Variants in NRG3 observed in about 807,000 individuals in gnomAD.
The protein encoded by NRG3 is pro-neuregulin-3, membrane-bound isoform.
A neutral mutation model predicts 66.9 loss-of-function variants in NRG3; 31 were observed. That is an observed-to-expected ratio of 0.46 (90% confidence interval 0.35 to 0.63). The LOEUF (loss-of-function observed/expected upper bound fraction) is 0.63. Among genes scored for constraint, NRG3 ranks in the 20% least tolerant of loss-of-function variants. The probability of loss-of-function intolerance (pLI) is 0.00; values close to 1 mark genes in which losing one functional copy is unlikely to be tolerated. For missense variants in NRG3, 910 were observed against 878.9 expected, an observed-to-expected ratio of 1.04 and a Z score of -0.45; for synonymous variants, 393 against 359.4, an observed-to-expected ratio of 1.09 and a Z score of -1.06.
Position 82,177,049 on chromosome 10 carries a change from G to A in NRG3, c.824-181690G>A, listed in dbSNP as rs185799897. On this transcript the variant is annotated intron_variant, in intron 1 of 8. Coordinates refer to ENST00000372141, the MANE Select transcript of NRG3 (RefSeq NM_001010848.4). ...CGTAGCCTACCCTTTCCTTACCTGC[G>A]TAATAATGATAATATTATCTACCTC... Among the ~76,000 whole-genome samples, 14 of 151,916 alleles carry A rather than the reference G, an allele frequency of 9.2e-5. No homozygotes were observed. The East Asian group carries it at 2.3e-3, about 25-fold the overall frequency.
chr10:82,325,311 A>G (rs1350900125), intron 1 of NRG3, among the ~76,000 whole-genome samples: 1 of 151,944 alleles, frequency 6.6e-6, no homozygotes, highest in Non-Finnish European at 1.5e-5. Context: ...CCTCCTGAGT[A>G]GCTGAGACTG....
chr10:82,661,320 C>T lies in NRG3; in HGVS notation c.954-77257C>T, dbSNP rs533843647. 2.0e-5 allele frequency among the ~76,000 whole-genome samples: 3 copies of T among 152,088 alleles called. No homozygotes were observed. In the South Asian group the frequency reaches 6.2e-4, roughly 32 times the overall value. On this transcript the variant is annotated intron_variant, in intron 2 of 8. Coordinates refer to ENST00000372141, the MANE Select transcript of NRG3 (RefSeq NM_001010848.4). Reference sequence around the variant, plus strand: ...CAGTCCCTGAATATACACCCTTACTCACACATATATATTTTAATATAATGT... The same window carrying T: ...CAGTCCCTGAATATACACCCTTACTTACACATATATATTTTAATATAATGT...
At chr10:82,650,319 G>A (rs1258345982) in intron 2 of NRG3, among the ~76,000 whole-genome samples, 2 of 152,170 alleles carry the variant, frequency 1.3e-5, no homozygotes, top group African/African-American at 4.8e-5. Flanking sequence ...CTGGCCCTGG[G>A]CTATGCTTGC....
chr10:82,757,604 C>A (rs2059130610), intron 3 of NRG3, among the ~76,000 whole-genome samples: 1 of 151,996 alleles, frequency 6.6e-6, no homozygotes, highest in South Asian at 2.1e-4. Context: ...ATGAATGATG[C>A]AATATATTGG....
At chr10:82,670,332 A>C (rs4586096) in intron 2 of NRG3, among the ~76,000 whole-genome samples, 69,831 of 152,004 alleles carry the variant, frequency 0.46, 17,263 homozygotes, top group African/African-American at 0.62. Flanking sequence ...CACATCAACA[A>C]AAATGTGCAC....
At chr10:82,764,374 AT>A (rs58671270) in intron 3 of NRG3, among the ~76,000 whole-genome samples, 2,949 of 134,258 alleles carry the variant, frequency 0.022, 50 homozygotes, top group African/African-American at 0.057. Flanking sequence ...CCCTATGCAA[AT>A]TTTTTTTTTT....
chr10:82,772,410 A>G (rs974081542), intron 3 of NRG3, among the ~76,000 whole-genome samples: 4 of 152,136 alleles, frequency 2.6e-5, no homozygotes, highest in Non-Finnish European at 5.9e-5. Context: ...GTTGCACATT[A>G]GATCTCTAGA....
At chr10:82,143,056 A>C (rs2069940007) in intron 1 of NRG3, among the ~76,000 whole-genome samples, 1 of 151,342 alleles carries the variant, frequency 6.6e-6, no homozygotes, top group South Asian at 2.1e-4. Flanking sequence ...GACCTGAGCC[A>C]CTGTGCCCAG....
intron 3 of NRG3, among the ~76,000 whole-genome samples, chr10:82,813,211 CTTTT>C (rs58875697): frequency 8.9e-6 from 1 of 112,138 alleles, no homozygotes; most frequent in South Asian, 3.1e-4. Context: ...CTCTGTTTCT[CTTTT>C]TTTTTTTTTT....
At chr10:82,623,820 A>G (rs1465929736) in intron 2 of NRG3, among the ~76,000 whole-genome samples, 1 of 152,136 alleles carries the variant, frequency 6.6e-6, no homozygotes. Flanking sequence ...GCTTCAGCCA[A>G]AACAACTCAT....
At chr10:82,110,429 A>G (rs188868733) in intron 1 of NRG3, among the ~76,000 whole-genome samples, 1 of 152,088 alleles carries the variant, frequency 6.6e-6, no homozygotes, top group Non-Finnish European at 1.5e-5. Flanking sequence ...CCATTGGAGA[A>G]TCTTATGAGA....
chr10:82,953,587 G>A (rs1207951416), intron 5 of NRG3, among the ~76,000 whole-genome samples: 1 of 151,916 alleles, frequency 6.6e-6, no homozygotes, highest in Non-Finnish European at 1.5e-5. Flanking sequence ...ATTTGATTAG[G>A]CAAATTATAT....
At chr10:82,121,957 T>A (rs1739768) in intron 1 of NRG3, among the ~76,000 whole-genome samples, 1 of 152,044 alleles carries the variant, frequency 6.6e-6, no homozygotes, top group African/African-American at 2.4e-5. Flanking sequence ...TTCATGTGAC[T>A]GTTTTATAAC....
At position 82,035,658 on chromosome 10, in the gene NRG3, T is replaced by C. The variant is rs533548858; in HGVS notation, c.823+159495T>C. Among the ~76,000 whole-genome samples the C allele has an allele frequency of 3.3e-5, 5 of 152,280 alleles. No individual in the cohort carries two copies. The South Asian group carries it at 8.3e-4, about 25-fold the overall frequency. ...AGATATTTCTCATCTATTTAAGGGA[T>C]ATATAAAAAATAGCCTCATAGGGGT... On this transcript the variant is annotated intron_variant, in intron 1 of 8. Transcript: ENST00000372141.
At chr10:82,598,226 A>C (rs1174113862) in intron 2 of NRG3, among the ~76,000 whole-genome samples, 1 of 152,232 alleles carries the variant, frequency 6.6e-6, no homozygotes, top group Non-Finnish European at 1.5e-5. Flanking sequence ...GACGCTTCAA[A>C]TATTTCTCTT....
intron 1 of NRG3, among the ~76,000 whole-genome samples, chr10:81,998,307 A>G (rs571076392): frequency 6.6e-6 from 1 of 152,320 alleles, no homozygotes; most frequent in Admixed American, 6.5e-5. Context: ...CTAATGTTGG[A>G]TAGTTCTACT....
chr10:81,940,684 C>T (rs1288928175), intron 1 of NRG3, among the ~76,000 whole-genome samples: 1 of 151,930 alleles, frequency 6.6e-6, no homozygotes, highest in Non-Finnish European at 1.5e-5. Context: ...ATCTCATTAG[C>T]TCTCTTTGGT....
At chr10:82,829,415 G>A (rs2062403247) in intron 3 of NRG3, among the ~76,000 whole-genome samples, 1 of 152,126 alleles carries the variant, frequency 6.6e-6, no homozygotes, top group Admixed American at 6.6e-5. Flanking sequence ...TTTCATTTGG[G>A]ATTTGTATAA....
At chr10:82,539,624 TTTTTTGTTTTTG>T (rs550817717) in intron 2 of NRG3, among the ~76,000 whole-genome samples, 62 of 152,134 alleles carry the variant, frequency 4.1e-4, no homozygotes, top group Middle Eastern at 6.8e-3. Flanking sequence ...ACTGCCGTTT[TTTTTTGTTTTTG>T]TTTTTGTTTT....
Sources: gnomAD v4.1 joint callset for allele counts (sites outside exome capture counted in the v4.1 genomes callset) on GRCh38, gnomAD v4.1.1 for gene constraint, MANE v1.5 for transcripts, NCBI Gene and HGNC (gene_info 2026-07-23, HGNC 2026-07-21) for gene names.